The following ERC2 variants were observed in gnomAD, a reference collection of about 807,000 sequenced individuals.
ERC2 encodes the protein ERC protein 2.
In ERC2, 42 loss-of-function variants were observed where a neutral mutation model predicts 114.8. The observed-to-expected ratio is 0.37, with a 90% CI of 0.29 to 0.47. The LOEUF (loss-of-function observed/expected upper bound fraction) is 0.47, where lower values mean the gene tolerates loss of function less well. Among genes scored for constraint, ERC2 ranks in the 20% least tolerant of loss-of-function variants. ERC2 has a pLI of 0.99. For synonymous variants in ERC2, 454 were observed against 425.5 expected (o/e 1.07, Z -0.82); for missense variants, 939 against 1,150.7 (o/e 0.82, Z 2.66).
chr3:56,348,481 A>T (rs10433553), intron 2 of ERC2, among the ~76,000 whole-genome samples: 45,525 of 148,690 alleles, frequency 0.31, 7,106 homozygotes, highest in Admixed American at 0.33. Flanking sequence ...AAATATATAT[A>T]TTTTTATTTA....
chr3:56,007,082 A>G, intron 10 of ERC2, 99 bp downstream of exon 10: 1 of 1,040,330 alleles, frequency 9.6e-7, no homozygotes, highest in Non-Finnish European at 1.4e-6. Context: ...AGACAGCAAC[A>G]GATAAGGGGT....
chr3:55,614,759 T>C lies in ERC2; in HGVS notation c.*39+69035A>G, dbSNP rs185175445. 1.1e-4 allele frequency among the ~76,000 whole-genome samples: 17 copies of C among 152,322 alleles called. No homozygotes were observed. In the East Asian group the frequency reaches 3.1e-3, roughly 28 times the overall value. On this transcript the variant is annotated intron_variant, in intron 17 of 17. Transcript: ENST00000288221. ...GCTCCAGTATTATCATCCTCATTTT[T>C]TAGAAGAAAAGACTGAGCGGGGAAA... is the stretch of plus-strand genomic sequence containing the variant.
intron 6 of ERC2, among the ~76,000 whole-genome samples, chr3:56,122,952 T>C (rs2079661291): frequency 2.0e-5 from 3 of 152,184 alleles, no homozygotes; most frequent in African/African-American, 7.2e-5. Flanking sequence ...TAAGTCTTCA[T>C]ACCGCAAGTT....
intron 2 of ERC2, among the ~76,000 whole-genome samples, chr3:56,386,061 G>C (rs546988484): frequency 6.6e-6 from 1 of 152,198 alleles, no homozygotes; most frequent in Admixed American, 6.5e-5. Flanking sequence ...GAAAGGGTTG[G>C]TTCAGTATGA....
At chr3:55,652,794 AG>A (rs1408602696) in intron 17 of ERC2, among the ~76,000 whole-genome samples, 2 of 146,348 alleles carry the variant, frequency 1.4e-5, no homozygotes, top group Non-Finnish European at 3.0e-5. Context: ...CGGGAGGCAG[AG>A]GTCGAAGTGA....
chr3:55,994,647 T>TAAAAAAAAAAAAAAAAAAAAAAAAAAAAA lies in ERC2; in HGVS notation c.2062-2398_2062-2397insTTTTTTTTTTTTTTTTTTTTTTTTTTTTT, dbSNP rs10662566. On this transcript the variant is annotated intron_variant, in intron 10 of 17. Coordinates refer to ENST00000288221, the MANE Select transcript of ERC2 (RefSeq NM_015576.3). Reference sequence around the variant, plus strand: ...CATTGACAAGATACTACATACTCCCTAAAAAAAAAAAAAAAAAAAAAAAAA... The same window carrying TAAAAAAAAAAAAAAAAAAAAAAAAAAAAA: ...CATTGACAAGATACTACATACTCCCTAAAAAAAAAAAAAAAAAAAAAAAAAAAAAAAAAAAAAAAAAAAAAAAAAAAAAA... Among the ~76,000 whole-genome samples, 2 of 61,396 alleles carry TAAAAAAAAAAAAAAAAAAAAAAAAAAAAA rather than the reference T, an allele frequency of 3.3e-5. 1 individual carries two copies. 40.3% of individuals were successfully genotyped at this position (61,396 alleles called of 152,430 possible). A position where few individuals can be genotyped will look rare whatever the true frequency, so the allele number is the denominator to read the frequency against.
At chr3:56,407,582 A>C (rs2060777442) in intron 2 of ERC2, among the ~76,000 whole-genome samples, 1 of 152,172 alleles carries the variant, frequency 6.6e-6, no homozygotes, top group African/African-American at 2.4e-5. Flanking sequence ...GTACACACAC[A>C]CATCACCTGG....
intron 10 of ERC2, among the ~76,000 whole-genome samples, chr3:55,998,020 C>T (rs1334340721): frequency 6.7e-6 from 1 of 148,560 alleles, no homozygotes; most frequent in Non-Finnish European, 1.5e-5. Context: ...CAGCCCTGAC[C>T]TCCCAAAGTG....
At chr3:56,302,122 A>C (rs1394911363) in intron 2 of ERC2, among the ~76,000 whole-genome samples, 2 of 152,230 alleles carry the variant, frequency 1.3e-5, no homozygotes, top group Non-Finnish European at 2.9e-5. Context: ...ATAAACAAGA[A>C]AATTGTATCC....
At chr3:55,963,508 G>A (rs1223903023) in intron 12 of ERC2, among the ~76,000 whole-genome samples, 1 of 152,058 alleles carries the variant, frequency 6.6e-6, no homozygotes, top group Non-Finnish European at 1.5e-5. Flanking sequence ...AGGACCAAAG[G>A]GGCAAACCCA....
At chr3:56,410,061 G>T (rs1044609307) in intron 2 of ERC2, among the ~76,000 whole-genome samples, 3 of 152,188 alleles carry the variant, frequency 2.0e-5, no homozygotes, top group African/African-American at 7.2e-5. Context: ...CATTACCCCA[G>T]TTGGCCTGGG....
At chr3:55,758,429 T>C (rs1237624263) in intron 14 of ERC2, among the ~76,000 whole-genome samples, 1 of 152,200 alleles carries the variant, frequency 6.6e-6, no homozygotes, top group African/African-American at 2.4e-5. Flanking sequence ...CAGAAGTTCA[T>C]CCTTCTCAGA....
chr3:56,131,916 A>T (rs1296467014), intron 6 of ERC2, among the ~76,000 whole-genome samples: 2 of 152,240 alleles, frequency 1.3e-5, no homozygotes, highest in African/African-American at 4.8e-5. Flanking sequence ...ATCACTACAC[A>T]TTGTTGACAT....
chr3:56,396,667 A>G (rs1238587011), intron 2 of ERC2, among the ~76,000 whole-genome samples: 1 of 152,132 alleles, frequency 6.6e-6, no homozygotes, highest in Non-Finnish European at 1.5e-5. Context: ...ATATCTTTCA[A>G]GTTTTAGGGT....
At chr3:55,595,162 C>A (rs115365367) in intron 17 of ERC2, among the ~76,000 whole-genome samples, 1 of 152,116 alleles carries the variant, frequency 6.6e-6, no homozygotes, top group African/African-American at 2.4e-5. Context: ...CTTAGAAGGA[C>A]CCAGCAGTTT....
chr3:56,426,309 G>A (rs2107285618), intron 2 of ERC2, among the ~76,000 whole-genome samples: 1 of 152,274 alleles, frequency 6.6e-6, no homozygotes, highest in Admixed American at 6.5e-5. Flanking sequence ...GACGTGGAAG[G>A]AACCACATAG....
chr3:55,796,229 A>C (rs2070469193), intron 14 of ERC2, among the ~76,000 whole-genome samples: 1 of 149,174 alleles, frequency 6.7e-6, no homozygotes, highest in Non-Finnish European at 1.5e-5. Flanking sequence ...GGTTCGAAGC[A>C]GGCAAGGCCT....
chr3:56,135,119 A>AT (rs1295628754), intron 6 of ERC2, among the ~76,000 whole-genome samples: 1 of 151,840 alleles, frequency 6.6e-6, no homozygotes, highest in Non-Finnish European at 1.5e-5. Context: ...CGTCCAGCTA[A>AT]TTTTTGTATT....
chr3:55,775,583 A>AATAT lies in ERC2; in HGVS notation c.2565-40666_2565-40665insATAT, dbSNP rs879937090. On this transcript the variant is annotated intron_variant, in intron 14 of 17. Coordinates refer to ENST00000288221, the MANE Select transcript of ERC2 (RefSeq NM_015576.3). ...AAATAAATAAATAAATAAATAAATA[A>AATAT]AAAAGGAAAAAGTGAGACAGACAGA... Among the ~76,000 whole-genome samples, 105 of 148,790 alleles carry AATAT rather than the reference A, an allele frequency of 7.1e-4. 1 individual carries two copies. The highest frequency in any genetic ancestry group is 6.1e-3 in the South Asian group (29 of 4,740).
Sources: gnomAD v4.1 joint callset for allele counts (sites outside exome capture counted in the v4.1 genomes callset) on GRCh38, gnomAD v4.1.1 for gene constraint, MANE v1.5 for transcripts, NCBI Gene and HGNC (gene_info 2026-07-23, HGNC 2026-07-21) for gene names.